Variants in ANO4 observed in about 807,000 individuals in gnomAD.
ANO4 encodes the protein anoctamin 4.
Under a neutral mutation model 141.9 loss-of-function variants are expected in ANO4, and 69 were observed. The ratio of observed to expected loss-of-function variants is 0.49; its 90% CI spans 0.40 to 0.59. ANO4 has a LOEUF of 0.59. Among genes scored for constraint, ANO4 ranks in the 20% least tolerant of loss-of-function variants. The pLI, the probability that ANO4 is intolerant of heterozygous loss-of-function variation, is 0.00. For synonymous variants in ANO4, 350 were observed against 394.3 expected (o/e 0.89, Z 1.33); for missense variants, 894 against 1,162.2 (o/e 0.77, Z 3.36).
intron 1 of ANO4, among the ~76,000 whole-genome samples, chr12:100,898,967 A>T (rs1273047629): frequency 6.6e-6 from 1 of 152,194 alleles, no homozygotes; most frequent in African/African-American, 2.4e-5. Context: ...GGAAACAGGG[A>T]ACATGCACCA....
chr12:100,916,532 G>A lies in ANO4; in HGVS notation c.56-5694G>A, dbSNP rs1430959855. 6.6e-5 allele frequency among the ~76,000 whole-genome samples: 10 copies of A among 152,272 alleles called. No homozygotes were observed. The East Asian group carries it at 1.9e-3, about 29-fold the overall frequency. ...ACAGTTTGATCCCAGGCTTCAATGT[G>A]TTACTGTCTAGTTGAAGGTGCTCTC... On this transcript the variant is annotated intron_variant, in intron 2 of 27. Transcript: ENST00000392977.
At chr12:101,064,274 A>G (rs73156636) in intron 14 of ANO4, among the ~76,000 whole-genome samples, 17,107 of 152,176 alleles carry the variant, frequency 0.11, 999 homozygotes, top group Admixed American at 0.15. Context: ...GTGAGTTACT[A>G]TGTAGAAGCG....
At chr12:100,844,051 A>G (rs533383160) in intron 1 of ANO4, among the ~76,000 whole-genome samples, 2 of 152,266 alleles carry the variant, frequency 1.3e-5, no homozygotes, top group East Asian at 1.9e-4. Context: ...ACTGTATATC[A>G]GGTACTGTTC....
chr12:100,846,772 C>T (rs1322752675), intron 1 of ANO4, among the ~76,000 whole-genome samples: 1 of 152,106 alleles, frequency 6.6e-6, no homozygotes, highest in Non-Finnish European at 1.5e-5. Flanking sequence ...CTATGTTTTC[C>T]TTTTCCTTCT....
intron 1 of ANO4, among the ~76,000 whole-genome samples, chr12:100,823,890 C>T (rs2036190538): frequency 6.6e-6 from 1 of 151,954 alleles, no homozygotes; most frequent in African/African-American, 2.4e-5. Flanking sequence ...TTCACAAAAA[C>T]ACATACTGTA....
At chr12:100,905,486 A>G (rs1012285514) in intron 2 of ANO4, among the ~76,000 whole-genome samples, 1 of 152,236 alleles carries the variant, frequency 6.6e-6, no homozygotes, top group Non-Finnish European at 1.5e-5. Flanking sequence ...GCTAAATGTT[A>G]TTGAAAGTCA....
At chr12:100,967,743 A>G (rs1010159123) in intron 5 of ANO4, among the ~76,000 whole-genome samples, 2 of 152,218 alleles carry the variant, frequency 1.3e-5, no homozygotes, top group Non-Finnish European at 2.9e-5. Flanking sequence ...CATGAAGGAA[A>G]GCCTCTTTAT....
intron 1 of ANO4, among the ~76,000 whole-genome samples, chr12:100,827,050 A>G (rs1159628002): frequency 1.3e-5 from 2 of 152,012 alleles, no homozygotes; most frequent in African/African-American, 2.4e-5. Flanking sequence ...TGTTCTCTAT[A>G]TAGTAACCAG....
At chr12:101,019,378 G>A (rs1208826578) in intron 8 of ANO4, among the ~76,000 whole-genome samples, 1 of 152,064 alleles carries the variant, frequency 6.6e-6, no homozygotes, top group African/African-American at 2.4e-5. Flanking sequence ...GTGTGTGTGT[G>A]TGCGCACACA....
intron 8 of ANO4, among the ~76,000 whole-genome samples, chr12:101,017,169 G>GA (rs759883222): frequency 5.3e-5 from 8 of 152,210 alleles, no homozygotes; most frequent in South Asian, 4.1e-4. Context: ...CCAAATGGCT[G>GA]AGGAGGCCTT....
chr12:100,792,396 A>C (rs2034076645), upstream of ANO4, among the ~76,000 whole-genome samples: 1 of 152,178 alleles, frequency 6.6e-6, no homozygotes, highest in African/African-American at 2.4e-5. Flanking sequence ...CCATCGATCC[A>C]ACAAATACTG....
chr12:100,886,156 A>G (rs953115209), intron 1 of ANO4, among the ~76,000 whole-genome samples: 16 of 152,078 alleles, frequency 1.1e-4, no homozygotes, highest in African/African-American at 2.9e-4. Context: ...CGTTACCCTG[A>G]TTTGTTGCCC....
intron 14 of ANO4, among the ~76,000 whole-genome samples, chr12:101,071,320 G>C (rs571223842): frequency 6.7e-6 from 1 of 149,288 alleles, no homozygotes; most frequent in African/African-American, 2.5e-5. Flanking sequence ...TATACACAAT[G>C]AAGTACTAGT....
At chr12:100,838,567 A>G (rs918052906) in intron 1 of ANO4, among the ~76,000 whole-genome samples, 1 of 152,298 alleles carries the variant, frequency 6.6e-6, no homozygotes, top group East Asian at 1.9e-4. Context: ...TTGATCAAAA[A>G]TGTGCTGTTG....
At chr12:101,068,241 C>G (rs779648667) in intron 14 of ANO4, 2 of 1,414,084 alleles carry the variant, frequency 1.4e-6, no homozygotes, top group Non-Finnish European at 1.9e-6. Context: ...AGCTAGAAAA[C>G]ATCGCTTCTG....
At position 100,794,843 on chromosome 12, in the gene ANO4, A is replaced by C. The variant is rs1401377036; in HGVS notation, c.-325A>C. Reference sequence around the variant, plus strand: ...TTCTCAGGGTTTTTACAGCACAAACAACTGCATACGGCCCGAGGGGAGGCT... The same window carrying C: ...TTCTCAGGGTTTTTACAGCACAAACCACTGCATACGGCCCGAGGGGAGGCT... On this transcript the variant is annotated 5_prime_UTR_variant, in exon 1 of 28. Coordinates refer to ENST00000392977, the MANE Select transcript of ANO4 (RefSeq NM_001286615.2). The C allele has an allele frequency of 6.6e-6, 1 of 152,472 alleles. No individual in the cohort carries two copies. The highest frequency in any genetic ancestry group is 1.9e-4 in the East Asian group (1 of 5,168). 9.4% of individuals were successfully genotyped at this position (152,472 alleles called of 1,614,324 possible).
chr12:101,054,360 G>A (rs1452290818), intron 14 of ANO4, among the ~76,000 whole-genome samples: 1 of 152,138 alleles, frequency 6.6e-6, no homozygotes, highest in Non-Finnish European at 1.5e-5. Flanking sequence ...TTTATGTGGT[G>A]GGATTGTGGG....
intron 1 of ANO4, among the ~76,000 whole-genome samples, 169 bp downstream of exon 1, chr12:100,795,196 T>C (rs1268461653): frequency 6.6e-6 from 1 of 151,764 alleles, no homozygotes; most frequent in African/African-American, 2.4e-5. Flanking sequence ...TTGCCTGGAG[T>C]GTTTGTCTTT....
chr12:100,871,589 T>G (rs1170776323), intron 1 of ANO4, among the ~76,000 whole-genome samples: 1 of 152,248 alleles, frequency 6.6e-6, no homozygotes, highest in African/African-American at 2.4e-5. Flanking sequence ...TTATTCACCA[T>G]TCTGCATACA....
Sources: gnomAD v4.1 joint callset for allele counts (sites outside exome capture counted in the v4.1 genomes callset) on GRCh38, gnomAD v4.1.1 for gene constraint, MANE v1.5 for transcripts, NCBI Gene and HGNC (gene_info 2026-07-23, HGNC 2026-07-21) for gene names.